The following DSC3 variants were observed in gnomAD, a reference collection of about 807,000 sequenced individuals.
DSC3 encodes desmocollin-3.
In DSC3, 97 loss-of-function variants were observed where a neutral mutation model predicts 89.5. The ratio of observed to expected loss-of-function variants is 1.08; its 90% confidence interval spans 0.92 to 1.28. The LOEUF (loss-of-function observed/expected upper bound fraction) is 1.28. Ranked by LOEUF, DSC3 falls within the 50% of genes most tolerant of loss-of-function variation. The probability of loss-of-function intolerance (pLI) is 0.00; values close to 1 mark genes in which losing one functional copy is unlikely to be tolerated. For missense variants in DSC3, 1,199 were observed against 1,085.3 expected (o/e 1.10, Z -1.47); for synonymous variants, 436 against 384.1 (o/e 1.14, Z -1.58).
chr18:31,000,524 C>T (rs11081674), intron 14 of DSC3, among the ~76,000 whole-genome samples: 39,798 of 152,038 alleles, frequency 0.26, 5,638 homozygotes, highest in East Asian at 0.6. Flanking sequence ...ATCCTTAGTG[C>T]AGCATTTAGA....
intron 15 of DSC3, among the ~76,000 whole-genome samples, chr18:30,996,004 A>AAAAAAAG (rs1380162048): frequency 4.9e-5 from 7 of 143,742 alleles, no homozygotes; most frequent in African/African-American, 2.0e-4. Context: ...AAAAAAGAAA[A>AAAAAAAG]GAAAGAAAAA....
chr18:31,033,208 C>A (rs905468039), intron 1 of DSC3, among the ~76,000 whole-genome samples: 1 of 151,920 alleles, frequency 6.6e-6, no homozygotes, highest in East Asian at 1.9e-4. Context: ...CATGGCTATT[C>A]CCCAAATTAA....
intron 2 of DSC3, 132 bp downstream of exon 2, chr18:31,032,060 G>T: frequency 1.4e-6 from 1 of 690,790 alleles, no homozygotes; most frequent in Non-Finnish European, 2.6e-6. Flanking sequence ...ATAACTTCTG[G>T]TTTACTCCCT....
chr18:31,020,354 T>C (rs534147342), intron 7 of DSC3, among the ~76,000 whole-genome samples: 2 of 152,114 alleles, frequency 1.3e-5, no homozygotes, highest in Admixed American at 6.5e-5. Flanking sequence ...AAAGGAAAGA[T>C]CAGAGAAGCA....
rs1468511878 is a variant in DSC3 at position 31,032,251 on chromosome 18, C to T, written c.95G>A (p.Cys32Tyr). 3 of 1,613,156 alleles carry T rather than the reference C, an allele frequency of 1.9e-6. No homozygotes were observed. In the South Asian group the frequency reaches 3.3e-5, roughly 18 times the overall value. ...LVIFSRAGEA[C>Y]KKVILNVPSK... ...AGGTACATTAAGTATCACCTTTTTG[C>T]AGGCTTCACCAGCACGACTGAAGAT... The change falls in exon 2 of 16, where the codon TGC (cysteine) becomes TAC (tyrosine). Residue 32 changes from cysteine (C) to tyrosine (Y), a missense_variant. Coordinates refer to ENST00000360428, the MANE Select transcript of DSC3 (RefSeq NM_001941.5).
At chr18:31,032,554 ATGTGTGTGTGTG>A (rs936935279) in intron 1 of DSC3, among the ~76,000 whole-genome samples, 12 of 92,256 alleles carry the variant, frequency 1.3e-4, no homozygotes, top group Non-Finnish European at 2.8e-4. Context: ...TTCTGTGTGT[ATGTGTGTGTGTG>A]TGTGTGTGTG....
intron 1 of DSC3, among the ~76,000 whole-genome samples, chr18:31,032,554 ATG>A (rs936935279): frequency 0.094 from 8,670 of 92,178 alleles, 306 homozygotes; most frequent in Non-Finnish European, 0.11. Flanking sequence ...TTCTGTGTGT[ATG>A]TGTGTGTGTG....
intron 9 of DSC3, among the ~76,000 whole-genome samples, chr18:31,016,516 C>T (rs1017722185): frequency 6.6e-6 from 1 of 152,208 alleles, no homozygotes; most frequent in African/African-American, 2.4e-5. Context: ...GCCTTGGAAA[C>T]TGTATGAGAT....
At chr18:31,018,549 A>T in intron 8 of DSC3, 117 bp downstream of exon 8, 1 of 1,177,864 alleles carries the variant, frequency 8.5e-7, no homozygotes, top group South Asian at 1.4e-5. Flanking sequence ...AATTTTATTC[A>T]TAAAATACGT....
At position 31,006,940 on chromosome 18, in the gene DSC3, T is replaced by A; in HGVS notation, c.1855A>T (p.Ile619Phe). Residue 619 changes from isoleucine (I) to phenylalanine (F), a missense_variant, in exon 12 of 16, where the codon ATC becomes TTC. By Grantham distance (21) the Ile-to-Phe change is conservative. Coordinates refer to ENST00000360428, the MANE Select transcript of DSC3 (RefSeq NM_001941.5). ...TTGGTGAGGCTCCACAGTCTACTGATTTCTGGAGAAGTATTGGGCAAACTG... is the reference window on the plus strand; with the variant it reads ...TTGGTGAGGCTCCACAGTCTACTGAATTCTGGAGAAGTATTGGGCAAACTG... ...YFSLPNTSPEISRLWSLTKVN... is the reference protein window; with the variant it reads ...YFSLPNTSPEFSRLWSLTKVN... The A allele has an allele frequency of 6.2e-7, 1 of 1,613,874 alleles. No homozygotes were observed.
intron 4 of DSC3, among the ~76,000 whole-genome samples, chr18:31,028,352 T>C (rs1323507199): frequency 6.6e-6 from 1 of 152,134 alleles, no homozygotes; most frequent in Non-Finnish European, 1.5e-5. Context: ...AGGTGAGCTA[T>C]GTCAAATGTA....
intron 4 of DSC3, 108 bp from the exon 5 acceptor site, chr18:31,026,023 A>T: frequency 9.2e-7 from 1 of 1,092,414 alleles, no homozygotes; most frequent in African/African-American, 1.6e-5. Flanking sequence ...ATTTCAAAAG[A>T]AAAGGTAGAA....
chr18:31,019,442 G>T (rs1026839368), intron 7 of DSC3, among the ~76,000 whole-genome samples: 7 of 152,100 alleles, frequency 4.6e-5, no homozygotes, highest in African/African-American at 1.7e-4. Context: ...GGCATAATTT[G>T]GAGAAAGCCA....
chr18:31,012,186 T>C (rs1382330758), intron 9 of DSC3, among the ~76,000 whole-genome samples: 2 of 152,038 alleles, frequency 1.3e-5, no homozygotes, highest in East Asian at 1.9e-4. Flanking sequence ...TAGCAGACTA[T>C]GAATGACTCA....
Position 31,008,015 on chromosome 18 carries a change from C to A in DSC3, c.1663+1G>T. 1 of 1,609,000 alleles carries A rather than the reference C, an allele frequency of 6.2e-7. No individual in the cohort carries two copies. Among genetic ancestry groups the A allele is most frequent in the Non-Finnish European group, 8.5e-7 (1 of 1,177,312 alleles). On this transcript the variant is annotated splice_donor_variant, in intron 11 of 15. Transcript: ENST00000360428. LOFTEE classifies it high-confidence loss of function. ...ATACCAGATTAAAACTTTTTTTTTACCTTTGTCTATTGCCAGGACTGTAAT... is the reference window on the plus strand; with the variant it reads ...ATACCAGATTAAAACTTTTTTTTTAACTTTGTCTATTGCCAGGACTGTAAT...
At chr18:31,001,099 A>G (rs1472454677) in intron 14 of DSC3, among the ~76,000 whole-genome samples, 9 of 147,180 alleles carry the variant, frequency 6.1e-5, no homozygotes, top group East Asian at 2.1e-4. Flanking sequence ...GTATATATAT[A>G]TATATATATA....
At chr18:31,038,381 T>C (rs1277378925) in intron 1 of DSC3, among the ~76,000 whole-genome samples, 1 of 152,204 alleles carries the variant, frequency 6.6e-6, no homozygotes, top group African/African-American at 2.4e-5. Flanking sequence ...ATTTAATGGT[T>C]ACAGGTCTAT....
At chr18:31,017,328 A>G (rs962836324) in intron 9 of DSC3, among the ~76,000 whole-genome samples, 5 of 152,128 alleles carry the variant, frequency 3.3e-5, no homozygotes, top group Non-Finnish European at 5.9e-5. Flanking sequence ...AGCCTCTTTC[A>G]ATCAATGAAT....
chr18:31,013,801 T>C (rs1407921302), intron 9 of DSC3, among the ~76,000 whole-genome samples: 1 of 152,146 alleles, frequency 6.6e-6, no homozygotes, highest in Non-Finnish European at 1.5e-5. Flanking sequence ...GATGAGCATG[T>C]CAACATGCAC....
Sources: gnomAD v4.1 joint callset for allele counts (sites outside exome capture counted in the v4.1 genomes callset) on GRCh38, gnomAD v4.1.1 for gene constraint, MANE v1.5 for transcripts, NCBI Gene and HGNC (gene_info 2026-07-23, HGNC 2026-07-21) for gene names.